BCL7A: variants seen among roughly 807,000 people sequenced by gnomAD.
The protein encoded by BCL7A is BAF chromatin remodeling complex subunit BCL7A.
Under a neutral mutation model 28.4 loss-of-function variants are expected in BCL7A, and 11 were observed. The ratio of observed to expected loss-of-function variants is 0.39; its 90% CI spans 0.24 to 0.64. BCL7A has a LOEUF of 0.64. BCL7A is among the 30% of genes least tolerant of loss of function. The pLI is 0.50. For missense variants in BCL7A, 222 were observed against 274.8 expected (o/e 0.81, Z 1.36); for synonymous variants, 123 against 103.3 (o/e 1.19, Z -1.15).
At chr12:122,049,013 C>T (rs1435284551) in intron 4 of BCL7A, among the ~76,000 whole-genome samples, 13 of 88,174 alleles carry the variant, frequency 1.5e-4, no homozygotes, top group East Asian at 6.0e-4. Flanking sequence ...GAGAGTGAAA[C>T]GTGTAAAAAA....
At chr12:122,024,650 G>T (rs970201844) in intron 1 of BCL7A, among the ~76,000 whole-genome samples, 1 of 152,008 alleles carries the variant, frequency 6.6e-6, no homozygotes, top group South Asian at 2.1e-4. Context: ...CTGGTGGGGG[G>T]GTGGGGTTGC....
At chr12:122,045,864 G>A (rs1392839481) in intron 4 of BCL7A, among the ~76,000 whole-genome samples, 2 of 151,792 alleles carry the variant, frequency 1.3e-5, no homozygotes, top group African/African-American at 4.8e-5. Context: ...TGAGGCAGGA[G>A]GATCTTTTGA....
rs538593512 is a variant in BCL7A at position 122,031,151 on chromosome 12, C to T, written c.174+370C>T. Reference sequence around the variant, plus strand: ...AAGCGATTCTCCAGCCTCAGCCTCCCGAGTAGCTGGGATTACAGGTGCACA... The same window carrying T: ...AAGCGATTCTCCAGCCTCAGCCTCCTGAGTAGCTGGGATTACAGGTGCACA... On this transcript the variant is annotated intron_variant, in intron 2 of 5. Coordinates refer to ENST00000261822, the MANE Select transcript of BCL7A (RefSeq NM_001024808.3). Among the ~76,000 whole-genome samples the T allele has an allele frequency of 9.9e-5, 15 of 152,232 alleles. No homozygotes were observed. In the South Asian group the frequency reaches 1.9e-3, roughly 19 times the overall value.
chr12:122,022,500 A>C (rs973692697), intron 1 of BCL7A, among the ~76,000 whole-genome samples: 7 of 134,566 alleles, frequency 5.2e-5, no homozygotes, highest in African/African-American at 1.8e-4. Context: ...GGCTCCCGGG[A>C]GGGGGGCTCG....
Position 122,021,955 on chromosome 12 carries a change from T to TGTGTGA in BCL7A, c.-134_-133insTGAGTG. The TGTGTGA allele has an allele frequency of 1.7e-6, 1 of 592,774 alleles. No individual in the cohort carries two copies. Among genetic ancestry groups the TGTGTGA allele is most frequent in the African/African-American group, 1.9e-5 (1 of 51,844 alleles). 36.7% of individuals were successfully genotyped at this position (592,774 alleles called of 1,614,324 possible). On this transcript the variant is annotated 5_prime_UTR_variant, in exon 1 of 6. It removes the in-frame stop codon of an upstream open reading frame in the 5' UTR. Coordinates refer to ENST00000261822, the MANE Select transcript of BCL7A (RefSeq NM_001024808.3). ...ATGTGTGTGTGTGTGTGTGTGTGTG[T>TGTGTGA]GTGAGTGTGTGCGTGTGAGAGTGCG...
chr12:122,055,617 C>T (rs1325086736), intron 5 of BCL7A, among the ~76,000 whole-genome samples: 1 of 152,068 alleles, frequency 6.6e-6, no homozygotes, highest in Non-Finnish European at 1.5e-5. Flanking sequence ...ACTGTAAATC[C>T]TCTAGACTTT....
At position 122,029,153 on chromosome 12, in the gene BCL7A, A is replaced by G. The variant is rs1483873286; in HGVS notation, c.93-1547A>G. On this transcript the variant is annotated intron_variant, in intron 1 of 5. Transcript: ENST00000261822. This position sits in a 1 kb window ranked among gnomAD's most constrained non-coding sequence, Gnocchi z 4.3. ...TGTGCCTCGGTTTCTTTATCTGTCA[A>G]ATGGGGAAGTTGCCATTTCCTGCCG... Among the ~76,000 whole-genome samples the G allele has an allele frequency of 6.6e-6, 1 of 152,002 alleles. No homozygotes were observed. The highest frequency in any genetic ancestry group is 1.5e-5 in the Non-Finnish European group (1 of 68,002).
At chr12:122,035,893 T>C (rs1371793211) in intron 3 of BCL7A, among the ~76,000 whole-genome samples, 1 of 152,102 alleles carries the variant, frequency 6.6e-6, no homozygotes, top group East Asian at 1.9e-4. Context: ...CAGGCCAGAG[T>C]GCGGTGGCGT....
intron 3 of BCL7A, among the ~76,000 whole-genome samples, chr12:122,038,293 A>G (rs1883895884): frequency 1.5e-5 from 2 of 137,718 alleles, no homozygotes; most frequent in Admixed American, 1.4e-4. Flanking sequence ...TTAGCTGGGC[A>G]TGATGGCGTG....
intron 4 of BCL7A, among the ~76,000 whole-genome samples, chr12:122,047,887 G>C (rs1485304548): frequency 6.7e-6 from 1 of 148,862 alleles, no homozygotes; most frequent in African/African-American, 2.5e-5. Context: ...AAAAGAAAAA[G>C]GCTGGAGAAG....
chr12:122,049,217 C>A, intron 4 of BCL7A, among the ~76,000 whole-genome samples: 1 of 129,338 alleles, frequency 7.7e-6, no homozygotes, highest in African/African-American at 3.0e-5. Context: ...CAGAGCATGA[C>A]CCTGTCTTAA....
At chr12:122,056,382 G>T (rs1226327641) in intron 5 of BCL7A, among the ~76,000 whole-genome samples, 1 of 151,972 alleles carries the variant, frequency 6.6e-6, no homozygotes, top group African/African-American at 2.4e-5. Flanking sequence ...AGGAGACCCA[G>T]ACCTAAAATT....
Position 122,030,769 on chromosome 12 carries a change from C to G in BCL7A, c.162C>G (p.Pro54=). Residue 54 remains proline, a synonymous_variant, in exon 2 of 6, where the codon CCC becomes CCG. Coordinates refer to ENST00000261822, the MANE Select transcript of BCL7A (RefSeq NM_001024808.3). ...RIYKWVPVTE[P]KVDDKNKNKK... is the part of the protein sequence containing the mutation. The stretch of plus-strand genomic sequence containing the variant: ...ACAAATGGGTCCCTGTGACGGAGCC[C>G]AAGGTTGATGACGTGAGTATGGAGG... 1.9e-6 allele frequency: 3 copies of G among 1,614,002 alleles called. No homozygotes were observed. Among genetic ancestry groups the G allele is most frequent in the South Asian group, 1.1e-5 (1 of 91,088 alleles).
At chr12:122,036,897 CG>C (rs1427518854) in intron 3 of BCL7A, among the ~76,000 whole-genome samples, 1 of 152,044 alleles carries the variant, frequency 6.6e-6, no homozygotes, top group Non-Finnish European at 1.5e-5. Flanking sequence ...TTAGTAGATA[CG>C]AGGTTTCACC....
chr12:122,024,275 T>G (rs1382960853), intron 1 of BCL7A, among the ~76,000 whole-genome samples: 2 of 152,346 alleles, frequency 1.3e-5, no homozygotes, highest in African/African-American at 2.4e-5. Context: ...CTTGGGCATA[T>G]CATTGTCACT....
At chr12:122,040,858 C>G (rs951970003) in intron 3 of BCL7A, among the ~76,000 whole-genome samples, 32 of 152,126 alleles carry the variant, frequency 2.1e-4, no homozygotes, top group African/African-American at 7.5e-4. Context: ...CAGGGTCACG[C>G]TGTTACCAGG....
At chr12:122,031,614 A>G (rs973651428) in intron 2 of BCL7A, among the ~76,000 whole-genome samples, 1 of 152,214 alleles carries the variant, frequency 6.6e-6, no homozygotes, top group Admixed American at 6.5e-5. Flanking sequence ...AGAGCTGTGA[A>G]TGGAGCTCAG....
At chr12:122,033,916 C>T (rs1883792722) in intron 2 of BCL7A, among the ~76,000 whole-genome samples, 1 of 152,076 alleles carries the variant, frequency 6.6e-6, no homozygotes, top group Non-Finnish European at 1.5e-5. Flanking sequence ...CACCAGTCCA[C>T]TTTTTGTCTG....
At chr12:122,033,555 G>A (rs545675928) in intron 2 of BCL7A, among the ~76,000 whole-genome samples, 56 of 147,576 alleles carry the variant, frequency 3.8e-4, no homozygotes, top group Middle Eastern at 3.4e-3. Flanking sequence ...ATCATGATCC[G>A]CCCGCCTCGG....
Sources: gnomAD v4.1 joint callset for allele counts (sites outside exome capture counted in the v4.1 genomes callset) on GRCh38, gnomAD v4.1.1 for gene constraint, Gnocchi (gnomAD v3.1) non-coding constraint, MANE v1.5 for transcripts, NCBI Gene and HGNC (gene_info 2026-07-23, HGNC 2026-07-21) for gene names.